Variants in TBL1XR1 observed in about 807,000 individuals in gnomAD.
TBL1XR1 encodes the protein F-box-like/WD repeat-containing protein TBL1XR1.
In TBL1XR1, 5 loss-of-function variants were observed where a neutral mutation model predicts 66.9. That is an observed-to-expected ratio of 0.07 (90% CI 0.04 to 0.16). The LOEUF (loss-of-function observed/expected upper bound fraction) is 0.16. Among genes scored for constraint, TBL1XR1 ranks in the 10% least tolerant of loss-of-function variants. The probability of loss-of-function intolerance (pLI) is 1.00; values close to 1 mark genes in which losing one functional copy is unlikely to be tolerated. For missense variants in TBL1XR1, 238 were observed against 623.2 expected (o/e 0.38, Z 6.58); for synonymous variants, 210 against 206.0 (o/e 1.02, Z -0.17).
At chr3:177,069,582 CA>C (rs1560138161) in intron 2 of TBL1XR1, among the ~76,000 whole-genome samples, 1 of 151,660 alleles carries the variant, frequency 6.6e-6, no homozygotes, top group East Asian at 1.9e-4. Flanking sequence ...AAAAAAAATA[CA>C]AAAAAATTAC....
rs151327146 is a variant in TBL1XR1 at position 177,107,519 on chromosome 3, T to G, written c.-121-8978A>C. 2.3e-4 allele frequency among the ~76,000 whole-genome samples: 35 copies of G among 152,302 alleles called. 1 individual carries two copies. The East Asian group carries it at 6.6e-3, about 29-fold the overall frequency. On this transcript the variant is annotated intron_variant, in intron 1 of 15. Coordinates refer to ENST00000457928, the MANE Select transcript of TBL1XR1 (RefSeq NM_024665.7). ...GTATGGGGGTTTTTTTAGTGGAATA[T>G]TCTTAATTCTGGAGAATGCCAAGTT...
chr3:177,096,985 G>A (rs1485262383), intron 2 of TBL1XR1, among the ~76,000 whole-genome samples: 1 of 152,046 alleles, frequency 6.6e-6, no homozygotes. Context: ...GAGGAGAACA[G>A]GAAAAGGAGG....
chr3:177,134,975 G>GTGTGTGTGTGTGTGTC (rs1444156762), intron 1 of TBL1XR1, among the ~76,000 whole-genome samples: 2 of 150,302 alleles, frequency 1.3e-5, no homozygotes, highest in East Asian at 2.0e-4. Context: ...GTCTGTGTGT[G>GTGTGTGTGTGTGTGTC]TGTCTGTGTG....
intron 1 of TBL1XR1, among the ~76,000 whole-genome samples, chr3:177,165,612 C>A (rs1732731478): frequency 6.6e-6 from 1 of 152,122 alleles, no homozygotes; most frequent in Admixed American, 6.5e-5. Flanking sequence ...AGTGAAAGAA[C>A]AAATAGATCA....
intron 1 of TBL1XR1, among the ~76,000 whole-genome samples, chr3:177,177,164 T>C (rs1235526503): frequency 6.6e-6 from 1 of 152,174 alleles, no homozygotes; most frequent in African/African-American, 2.4e-5. Context: ...AAAGTTTGCA[T>C]GAAGTTTCTA....
chr3:177,196,023 G>A (rs1736805074), intron 1 of TBL1XR1, among the ~76,000 whole-genome samples: 1 of 151,318 alleles, frequency 6.6e-6, no homozygotes. Context: ...ACCTAACAAA[G>A]AGAGCATTTT....
chr3:177,194,395 G>A (rs1018780964), intron 1 of TBL1XR1, among the ~76,000 whole-genome samples: 9 of 152,136 alleles, frequency 5.9e-5, no homozygotes, highest in African/African-American at 2.2e-4. Flanking sequence ...GAATACCAAT[G>A]TTTCTGCCAT....
chr3:177,097,567 C>CT (rs1382569661), intron 2 of TBL1XR1, among the ~76,000 whole-genome samples: 2 of 151,902 alleles, frequency 1.3e-5, no homozygotes, highest in Non-Finnish European at 2.9e-5. Context: ...AGTCTTTCTG[C>CT]TATATCACAT....
At chr3:177,196,675 A>C (rs1271007733) in intron 1 of TBL1XR1, among the ~76,000 whole-genome samples, 1 of 151,888 alleles carries the variant, frequency 6.6e-6, no homozygotes, top group Non-Finnish European at 1.5e-5. Context: ...TAGGCTATAA[A>C]GGAGTCGGCC....
chr3:177,061,016 C>T (rs186353184), intron 3 of TBL1XR1, among the ~76,000 whole-genome samples: 2 of 152,256 alleles, frequency 1.3e-5, no homozygotes, highest in African/African-American at 4.8e-5. Context: ...CATAAAAAGG[C>T]AGAATGGTGA....
chr3:177,155,908 C>T (rs1731432606), intron 1 of TBL1XR1, among the ~76,000 whole-genome samples: 1 of 151,980 alleles, frequency 6.6e-6, no homozygotes, highest in African/African-American at 2.4e-5. Context: ...ACTCGGGAGG[C>T]TGAGGCACAG....
At chr3:177,193,059 A>G (rs1417567962) in intron 1 of TBL1XR1, among the ~76,000 whole-genome samples, 3 of 152,068 alleles carry the variant, frequency 2.0e-5, no homozygotes, top group Non-Finnish European at 4.4e-5. Flanking sequence ...AGGCTGAGGC[A>G]GGAGAATCAC....
Position 177,061,667 on chromosome 3 carries a change from A to G in TBL1XR1, c.58+3253T>C, listed in dbSNP as rs538617873. On this transcript the variant is annotated intron_variant, in intron 3 of 15. Coordinates refer to ENST00000457928, the MANE Select transcript of TBL1XR1 (RefSeq NM_024665.7). ...GCTCTATTGCAGGGAAAGCAGCAGT[A>G]TAAAGATTCCAGTTTCTTCGGTATT... 2.0e-5 allele frequency among the ~76,000 whole-genome samples: 3 copies of G among 152,352 alleles called. 1 individual carries two copies. In the East Asian group the frequency reaches 5.8e-4, roughly 29 times the overall value.
At chr3:177,119,587 T>C (rs1726735761) in intron 1 of TBL1XR1, among the ~76,000 whole-genome samples, 1 of 152,222 alleles carries the variant, frequency 6.6e-6, no homozygotes, top group Non-Finnish European at 1.5e-5. Context: ...TGTTGAAATT[T>C]GCTGAACAAA....
At chr3:177,148,266 A>C (rs1224910672) in intron 1 of TBL1XR1, among the ~76,000 whole-genome samples, 1 of 152,250 alleles carries the variant, frequency 6.6e-6, no homozygotes, top group Non-Finnish European at 1.5e-5. Context: ...GGGACAGTTA[A>C]GTATTTACTG....
intron 10 of TBL1XR1, among the ~76,000 whole-genome samples, chr3:177,041,403 C>T (rs1715564826): frequency 6.6e-6 from 1 of 152,198 alleles, no homozygotes; most frequent in South Asian, 2.1e-4. Flanking sequence ...CTGGGCCTTT[C>T]TTCACCAGAA....
At chr3:177,171,353 C>T (rs1416404058) in intron 1 of TBL1XR1, 2 of 151,506 alleles carry the variant, frequency 1.3e-5, no homozygotes, top group Admixed American at 1.3e-4. Flanking sequence ...TAAATAAATA[C>T]ATACATACAC....
intron 1 of TBL1XR1, among the ~76,000 whole-genome samples, chr3:177,123,589 G>A (rs202124565): frequency 1.1e-5 from 1 of 87,232 alleles, no homozygotes; most frequent in Non-Finnish European, 2.6e-5. Flanking sequence ...TTCCAATTCT[G>A]CTTTAATATT....
chr3:177,153,921 G>A (rs973891726), intron 1 of TBL1XR1, among the ~76,000 whole-genome samples: 7 of 150,684 alleles, frequency 4.6e-5, no homozygotes, highest in Admixed American at 4.6e-4. Flanking sequence ...GAACTGCAGG[G>A]TAGCCACTAA....
Sources: allele counts gnomAD v4.1 joint callset (sites outside exome capture counted in the v4.1 genomes callset), GRCh38; gene constraint gnomAD v4.1.1; transcripts MANE v1.5; gene names NCBI Gene and HGNC (gene_info 2026-07-23, HGNC 2026-07-21).